The following NAALADL2 variants were observed in gnomAD, a reference collection of about 807,000 sequenced individuals.
NAALADL2 encodes the protein N-acetylated alpha-linked acidic dipeptidase like 2.
In NAALADL2, 76 loss-of-function variants were observed where a neutral mutation model predicts 87.2. That is an observed-to-expected ratio of 0.87 (90% confidence interval 0.72 to 1.05). NAALADL2 has a LOEUF of 1.05. Ranked by LOEUF, NAALADL2 falls within the 50% of genes least tolerant of loss-of-function variation. NAALADL2 has a pLI of 0.00. For synonymous variants in NAALADL2, 354 were observed against 331.0 expected (o/e 1.07, Z -0.75); for missense variants, 1,089 against 945.8 (o/e 1.15, Z -1.99).
chr3:174,745,885 C>T (rs1034317871), intron 3 of NAALADL2, among the ~76,000 whole-genome samples: 8 of 152,128 alleles, frequency 5.3e-5, no homozygotes, highest in African/African-American at 1.9e-4. Context: ...AACCTCCCTT[C>T]ATGTTAAAAA....
intron 1 of NAALADL2, among the ~76,000 whole-genome samples, chr3:175,023,263 A>G (rs543186744): frequency 6.6e-6 from 1 of 152,186 alleles, no homozygotes; most frequent in South Asian, 2.1e-4. Flanking sequence ...ATAGTATGTA[A>G]GAGAGTTTTA....
intron 1 of NAALADL2, among the ~76,000 whole-genome samples, chr3:174,931,921 G>A (rs1330320545): frequency 3.3e-5 from 5 of 152,190 alleles, no homozygotes; most frequent in Non-Finnish European, 5.9e-5. Flanking sequence ...TAATTCATGA[G>A]TTTTAGATAT....
intron 3 of NAALADL2, among the ~76,000 whole-genome samples, chr3:174,752,699 G>A (rs1459938204): frequency 6.6e-6 from 1 of 151,672 alleles, no homozygotes; most frequent in Non-Finnish European, 1.5e-5. Context: ...CTCTCTTGAA[G>A]TTAGCTGTGT....
intron 1 of NAALADL2, among the ~76,000 whole-genome samples, chr3:174,905,873 G>A (rs1316159849): frequency 6.6e-6 from 1 of 152,024 alleles, no homozygotes; most frequent in Non-Finnish European, 1.5e-5. Flanking sequence ...AGAAATCTAT[G>A]CCCATCACTC....
intron 5 of NAALADL2, among the ~76,000 whole-genome samples, chr3:175,409,211 T>A (rs1188219086): frequency 1.3e-5 from 2 of 151,792 alleles, no homozygotes; most frequent in Admixed American, 1.3e-4. Flanking sequence ...AACCATAAAC[T>A]CTATAGTTGT....
intron 4 of NAALADL2, among the ~76,000 whole-genome samples, chr3:175,279,636 A>G (rs1271803176): frequency 6.6e-6 from 1 of 151,978 alleles, no homozygotes; most frequent in African/African-American, 2.4e-5. Context: ...TTTTTATGGC[A>G]GTAGATATTA....
intron 3 of NAALADL2, among the ~76,000 whole-genome samples, chr3:174,825,679 A>G (rs917011492): frequency 6.6e-6 from 1 of 152,136 alleles, no homozygotes; most frequent in Non-Finnish European, 1.5e-5. Flanking sequence ...TATTCCTTAA[A>G]CATTCCTGTG....
At chr3:175,482,490 C>T (rs4894720) in intron 9 of NAALADL2, among the ~76,000 whole-genome samples, 91,542 of 151,722 alleles carry the variant, frequency 0.6, 29,672 homozygotes, top group East Asian at 0.89. Context: ...TACAATATAA[C>T]TTCCAGCTCC....
At chr3:175,189,907 T>A (rs1737896461) in intron 2 of NAALADL2, among the ~76,000 whole-genome samples, 1 of 151,982 alleles carries the variant, frequency 6.6e-6, no homozygotes, top group South Asian at 2.1e-4. Flanking sequence ...AAATAGACAG[T>A]CCAGAAATAA....
chr3:174,866,725 G>A (rs1463909386), intron 1 of NAALADL2, among the ~76,000 whole-genome samples: 1 of 151,742 alleles, frequency 6.6e-6, no homozygotes, highest in Non-Finnish European at 1.5e-5. Context: ...TGATAATAAC[G>A]ACTTTATAAC....
chr3:174,995,508 C>G (rs1390665981), intron 1 of NAALADL2, among the ~76,000 whole-genome samples: 2 of 152,074 alleles, frequency 1.3e-5, no homozygotes, highest in African/African-American at 4.8e-5. Context: ...TTTGGGTTTG[C>G]TTTTCTGTTC....
intron 13 of NAALADL2, among the ~76,000 whole-genome samples, chr3:175,786,873 T>C (rs1752052003): frequency 6.6e-6 from 1 of 152,154 alleles, no homozygotes; most frequent in South Asian, 2.1e-4. Context: ...ATTATGGTGA[T>C]GTACAGATGG....
At chr3:175,226,380 C>T (rs980835293) in intron 2 of NAALADL2, among the ~76,000 whole-genome samples, 1 of 152,092 alleles carries the variant, frequency 6.6e-6, no homozygotes, top group Non-Finnish European at 1.5e-5. Flanking sequence ...TTCCACCTAC[C>T]TCTTACTATC....
intron 12 of NAALADL2, among the ~76,000 whole-genome samples, chr3:175,738,767 C>T (rs549967546): frequency 6.6e-6 from 1 of 152,222 alleles, no homozygotes; most frequent in African/African-American, 2.4e-5. Context: ...TCCTTCTTTC[C>T]TACCTACATT....
chr3:175,057,859 A>G (rs538593974), intron 1 of NAALADL2, among the ~76,000 whole-genome samples: 2 of 152,350 alleles, frequency 1.3e-5, no homozygotes, highest in South Asian at 2.1e-4. Context: ...TGTCACTACT[A>G]CATTGTTTGA....
At chr3:174,874,085 T>G (rs928627151) in intron 1 of NAALADL2, among the ~76,000 whole-genome samples, 2 of 151,990 alleles carry the variant, frequency 1.3e-5, no homozygotes, top group Non-Finnish European at 2.9e-5. Context: ...GCCCACTGAT[T>G]ACAGTGGGGT....
chr3:174,996,726 T>G lies in NAALADL2; in HGVS notation c.44-100064T>G, dbSNP rs866094776. ...TTTGTGGTGACGTCTGAGATCTTTG[T>G]GCACCAGTCACCCAAGAAGTGCACA... On this transcript the variant is annotated intron_variant, in intron 1 of 13. Coordinates refer to ENST00000454872, the MANE Select transcript of NAALADL2 (RefSeq NM_207015.3). Among the ~76,000 whole-genome samples, 13 of 152,144 alleles carry G rather than the reference T, an allele frequency of 8.5e-5. No homozygotes were observed. In the Middle Eastern group the frequency reaches 0.014, roughly 159 times the overall value.
intron 2 of NAALADL2, among the ~76,000 whole-genome samples, chr3:174,687,253 C>T (rs1182133139): frequency 2.0e-5 from 3 of 152,106 alleles, no homozygotes; most frequent in Non-Finnish European, 1.5e-5. Flanking sequence ...CACTATTCCT[C>T]CCATATTTAT....
chr3:175,724,125 A>T (rs1742612527), intron 11 of NAALADL2, among the ~76,000 whole-genome samples: 1 of 152,136 alleles, frequency 6.6e-6, no homozygotes, highest in African/African-American at 2.4e-5. Flanking sequence ...TAAGCATCTC[A>T]TCAAGATAAA....
Sources: allele counts gnomAD v4.1 joint callset (sites outside exome capture counted in the v4.1 genomes callset), GRCh38; gene constraint gnomAD v4.1.1; transcripts MANE v1.5; gene names NCBI Gene and HGNC (gene_info 2026-07-23, HGNC 2026-07-21).